IL17B: variants seen among roughly 807,000 people sequenced by gnomAD.
IL17B encodes the protein interleukin-17B.
Under a neutral mutation model 14.7 loss-of-function variants are expected in IL17B, and 14 were observed. That is an observed-to-expected ratio of 0.95 (90% CI 0.63 to 1.49). The LOEUF (loss-of-function observed/expected upper bound fraction) is 1.49, where lower values mean the gene tolerates loss of function less well. Ranked by LOEUF, IL17B falls within the 40% of genes most tolerant of loss-of-function variation. IL17B has a pLI of 0.00. For missense variants in IL17B, 233 were observed against 252.8 expected, an observed-to-expected ratio of 0.92 and a Z score of 0.53; for synonymous variants, 105 against 94.8, an observed-to-expected ratio of 1.11 and a Z score of -0.62.
At chr5:149,385,983 C>T (rs1220850541) in intron 1 of IL17B, among the ~76,000 whole-genome samples, 1 of 152,170 alleles carries the variant, frequency 6.6e-6, no homozygotes, top group Non-Finnish European at 1.5e-5. Context: ...GTGGCAGGGG[C>T]TCATGGGTGG....
intron 1 of IL17B, among the ~76,000 whole-genome samples, chr5:149,394,018 G>A (rs1021434312): frequency 6.6e-6 from 1 of 152,098 alleles, no homozygotes; most frequent in Non-Finnish European, 1.5e-5. Context: ...TTCGTTAAAA[G>A]ACATTTATTT....
intron 1 of IL17B, among the ~76,000 whole-genome samples, chr5:149,393,409 C>T (rs1335233829): frequency 2.0e-5 from 3 of 152,186 alleles, no homozygotes; most frequent in African/African-American, 4.8e-5. Context: ...AGAGGGTGGA[C>T]GTTCCCTGAA....
rs57775228 is a variant in IL17B at position 149,387,775 on chromosome 5, C to CAAA, written n.96-10753_96-10751dup. On this transcript the variant is annotated intron_variant and non_coding_transcript_variant, in intron 1 of 2. Coordinates refer to the IL17B transcript ENST00000505432. ...TGGGTGACAAAGCATGCCCCTGTCT[C>CAAA]AAAAAAAAAAAAAAAAAAAAAGGAA... 8.6e-5 allele frequency among the ~76,000 whole-genome samples: 7 copies of CAAA among 81,318 alleles called. 1 individual carries two copies. The highest frequency in any genetic ancestry group is 1.4e-4 in the African/African-American group (3 of 21,966). 53.3% of individuals were successfully genotyped at this position (81,318 alleles called of 152,430 possible). A position where few individuals can be genotyped will look rare whatever the true frequency, so the allele number is the denominator to read the frequency against.
At chr5:149,376,666 A>G (rs543776272) in intron 2 of IL17B, 70 bp downstream of exon 2, 2 of 1,527,512 alleles carry the variant, frequency 1.3e-6, no homozygotes, top group East Asian at 2.3e-5. Context: ...GATCTTAACC[A>G]TTACAATGAC....
At chr5:149,384,289 T>G (rs2127619479), upstream of IL17B, among the ~76,000 whole-genome samples, 1 of 152,342 alleles carries the variant, frequency 6.6e-6, no homozygotes, top group East Asian at 1.9e-4. Context: ...CCCCCCTCAC[T>G]TCAGTGGGCC....
At chr5:149,376,626 G>C (rs369674045) in intron 2 of IL17B, 110 bp downstream of exon 2, 1 of 1,421,962 alleles carries the variant, frequency 7.0e-7, no homozygotes, top group South Asian at 1.4e-5. Flanking sequence ...GCTAGGGTTC[G>C]AACCCAAGCA....
intron 1 of IL17B, among the ~76,000 whole-genome samples, chr5:149,390,372 C>G (rs1288979226): frequency 6.6e-6 from 1 of 151,954 alleles, no homozygotes; most frequent in African/African-American, 2.4e-5. Flanking sequence ...GGCTCCCAGT[C>G]TCATGCAGCC....
chr5:149,374,675 C>T lies in IL17B; in HGVS notation c.312-75G>A. On this transcript the variant is annotated intron_variant, in intron 2 of 2. Coordinates refer to ENST00000261796, the MANE Select transcript of IL17B (RefSeq NM_014443.3). This position sits in a 1 kb window ranked among gnomAD's most constrained non-coding sequence, Gnocchi z 5.0. ...CAGTCAGCACCCATACTCCACACCC[C>T]TGCCTTTCCTAATCAGAGTTTTAAT... 1 of 1,120,196 alleles carries T rather than the reference C, an allele frequency of 8.9e-7. No individual in the cohort carries two copies. 69.4% of individuals were successfully genotyped at this position (1,120,196 alleles called of 1,614,324 possible).
At chr5:149,388,554 TG>T (rs1222503923) in intron 1 of IL17B, among the ~76,000 whole-genome samples, 2 of 152,224 alleles carry the variant, frequency 1.3e-5, no homozygotes, top group Admixed American at 6.5e-5. Flanking sequence ...GACTGCAAAC[TG>T]ACTCTTTGCG....
At chr5:149,401,550 CA>C (rs1057034049) in intron 1 of IL17B, among the ~76,000 whole-genome samples, 25 of 152,066 alleles carry the variant, frequency 1.6e-4, no homozygotes, top group African/African-American at 5.6e-4. Flanking sequence ...ACTAACAGTA[CA>C]AAACTAGCCG....
At chr5:149,397,248 C>T (rs1759110875) in intron 1 of IL17B, among the ~76,000 whole-genome samples, 2 of 152,138 alleles carry the variant, frequency 1.3e-5, no homozygotes, top group African/African-American at 2.4e-5. Context: ...CTGCTCACTG[C>T]AACATCTACC....
intron 1 of IL17B, among the ~76,000 whole-genome samples, chr5:149,392,985 T>TGC (rs1359805771): frequency 8.8e-5 from 13 of 148,422 alleles, no homozygotes; most frequent in Middle Eastern, 3.2e-3. Context: ...TGCGTGTGTG[T>TGC]GTGCGTGTGT....
At chr5:149,400,193 A>G (rs1759179311) in intron 1 of IL17B, among the ~76,000 whole-genome samples, 1 of 152,176 alleles carries the variant, frequency 6.6e-6, no homozygotes, top group African/African-American at 2.4e-5. Context: ...GTGGGCCCCT[A>G]ATCCAATATG....
At chr5:149,398,930 C>T (rs1253206887) in intron 1 of IL17B, among the ~76,000 whole-genome samples, 1 of 152,148 alleles carries the variant, frequency 6.6e-6, no homozygotes, top group Non-Finnish European at 1.5e-5. Flanking sequence ...CTCACAGTTC[C>T]ACATGGCTGG....
intron 1 of IL17B, among the ~76,000 whole-genome samples, chr5:149,385,536 C>G (rs894076775): frequency 6.6e-6 from 1 of 152,246 alleles, no homozygotes; most frequent in Non-Finnish European, 1.5e-5. Flanking sequence ...GTCAGGCCTG[C>G]TGTAACTCAC....
At chr5:149,382,985 C>T (rs1429720927), upstream of IL17B, among the ~76,000 whole-genome samples, 12 of 152,234 alleles carry the variant, frequency 7.9e-5, no homozygotes, top group Admixed American at 6.5e-4. Context: ...GAAGGAAGTG[C>T]AGCCGGGAGG....
At chr5:149,376,643 C>A in intron 2 of IL17B, 93 bp downstream of exon 2, 1 of 1,481,444 alleles carries the variant, frequency 6.8e-7, no homozygotes, top group Non-Finnish European at 9.1e-7. Flanking sequence ...AGCACCCAGA[C>A]CTCTGAATCT....
intron 1 of IL17B, among the ~76,000 whole-genome samples, chr5:149,391,086 C>T (rs937633145): frequency 1.3e-5 from 2 of 152,128 alleles, no homozygotes; most frequent in African/African-American, 4.8e-5. Context: ...CCCACCTCAG[C>T]CTCCTGAGTA....
chr5:149,402,434 T>G (rs1759223886), intron 1 of IL17B, among the ~76,000 whole-genome samples: 1 of 152,054 alleles, frequency 6.6e-6, no homozygotes, highest in Non-Finnish European at 1.5e-5. Context: ...AAAGGTGTGT[T>G]ACATCCTTCT....
Sources: gnomAD v4.1 joint callset for allele counts (sites outside exome capture counted in the v4.1 genomes callset) on GRCh38, gnomAD v4.1.1 for gene constraint, Gnocchi (gnomAD v3.1) non-coding constraint, MANE v1.5 for transcripts, NCBI Gene and HGNC (gene_info 2026-07-23, HGNC 2026-07-21) for gene names.